The following RNF145 variants were observed in gnomAD, a reference collection of about 807,000 sequenced individuals.
RNF145 encodes ring finger protein 145.
RNF145 carries 12 observed loss-of-function variants against 57.3 expected under a neutral mutation model. The observed-to-expected ratio is 0.21, with a 90% CI of 0.13 to 0.34. The LOEUF (loss-of-function observed/expected upper bound fraction) is 0.34. Ranked by LOEUF, RNF145 falls within the 10% of genes least tolerant of loss-of-function variation. The pLI is 1.00. For missense variants in RNF145, 429 were observed against 799.0 expected (o/e 0.54, Z 5.58); for synonymous variants, 262 against 288.3 (o/e 0.91, Z 0.92).
chr5:159,198,695 T>A (rs1785548807), intron 2 of RNF145, among the ~76,000 whole-genome samples: 1 of 152,142 alleles, frequency 6.6e-6, no homozygotes, highest in African/African-American at 2.4e-5. Flanking sequence ...CATAGGCTAT[T>A]TAGGTGGAAA....
rs894041283 is a variant in RNF145 at position 159,181,884 on chromosome 5, T to A, written c.385+76A>T. The A allele has an allele frequency of 6.3e-5, 50 of 799,736 alleles. No homozygotes were observed. The African/African-American group carries it at 8.5e-4, about 14-fold the overall frequency. 49.5% of individuals were successfully genotyped at this position (799,736 alleles called of 1,614,324 possible). On this transcript the variant is annotated intron_variant, in intron 4 of 10. Coordinates refer to ENST00000424310, the MANE Select transcript of RNF145 (RefSeq NM_001199383.2). ...TTGAGAATTCCGTTTTAAAAAAAAA[T>A]GAGTATGCATGAATTTTATAAGTTA...
upstream of RNF145, chr5:159,209,661 G>A (rs1312577490): frequency 2.1e-6 from 2 of 971,148 alleles, no homozygotes; most frequent in Non-Finnish European, 2.7e-6. Context: ...CCCGCGGAGT[G>A]CTTTCCGCAC....
At chr5:159,202,353 A>G (rs1785699642) in intron 2 of RNF145, among the ~76,000 whole-genome samples, 1 of 152,228 alleles carries the variant, frequency 6.6e-6, no homozygotes, top group African/African-American at 2.4e-5. Flanking sequence ...AGCCTTTCAT[A>G]AAAGGCTGAG....
At chr5:159,187,238 C>G (rs529420938) in intron 3 of RNF145, among the ~76,000 whole-genome samples, 1 of 150,960 alleles carries the variant, frequency 6.6e-6, no homozygotes. Context: ...GCCAAGATCA[C>G]GCCATTGCAC....
At chr5:159,184,660 CTAA>C (rs368135479) in intron 3 of RNF145, among the ~76,000 whole-genome samples, 2 of 152,086 alleles carry the variant, frequency 1.3e-5, no homozygotes, top group Admixed American at 6.5e-5. Context: ...TTTCATTTAA[CTAA>C]TAATATTTCT....
At chr5:159,201,929 G>C (rs1785683656) in intron 2 of RNF145, among the ~76,000 whole-genome samples, 1 of 151,970 alleles carries the variant, frequency 6.6e-6, no homozygotes, top group Non-Finnish European at 1.5e-5. Context: ...TGTATTTGAG[G>C]GTGAAATTCT....
At chr5:159,178,803 T>C (rs1201367198) in intron 4 of RNF145, among the ~76,000 whole-genome samples, 2 of 152,052 alleles carry the variant, frequency 1.3e-5, no homozygotes, top group Non-Finnish European at 2.9e-5. Flanking sequence ...GCCAAGCATT[T>C]TGAATAAGGA....
At chr5:159,160,028 A>G (rs1376001803) in intron 10 of RNF145, among the ~76,000 whole-genome samples, 1 of 152,156 alleles carries the variant, frequency 6.6e-6, no homozygotes, top group African/African-American at 2.4e-5. Context: ...AGGTAGTTCT[A>G]GCACCTCAAA....
At chr5:159,182,612 T>A (rs541218399) in intron 3 of RNF145, among the ~76,000 whole-genome samples, 1 of 152,190 alleles carries the variant, frequency 6.6e-6, no homozygotes, top group South Asian at 2.1e-4. Flanking sequence ...GTAGGCTACA[T>A]ATTTACTTTG....
Position 159,158,855 on chromosome 5 carries a change from C to A in RNF145, c.1807G>T (p.Val603Phe). 1.9e-6 allele frequency: 3 copies of A among 1,613,888 alleles called. No homozygotes were observed. The highest frequency in any genetic ancestry group is 2.5e-6 in the Non-Finnish European group (3 of 1,179,854). Reference protein sequence around the residue: ...LQPHAGAEQNVMFQEGTEPPG... With the variant: ...LQPHAGAEQNFMFQEGTEPPG... Reference sequence around the variant, plus strand: ...GGTTCAGTACCTTCCTGAAACATGACGTTTTGCTCAGCTCCAGCATGAGGC... The same window carrying A: ...GGTTCAGTACCTTCCTGAAACATGAAGTTTTGCTCAGCTCCAGCATGAGGC... Residue 603 changes from valine to phenylalanine, a missense_variant, in exon 11 of 11, where the codon GTC (valine) becomes TTC (phenylalanine). By Grantham distance (50) the Val-to-Phe change is conservative. Around this residue, in one of 4 missense-constraint regions of RNF145, gnomAD observed 102 missense variants for 106.2 expected, o/e 0.96. Transcript: ENST00000424310.
intron 3 of RNF145, among the ~76,000 whole-genome samples, chr5:159,185,714 T>C (rs1272022194): frequency 1.3e-5 from 2 of 152,210 alleles, no homozygotes; most frequent in African/African-American, 4.8e-5. Context: ...TCAGAAGACT[T>C]AAAAGGTAGA....
Position 159,161,552 on chromosome 5 carries a change from A to G in RNF145, c.1340T>C (p.Met447Thr). The part of the protein sequence containing the change: ...EEFRKEPVEN[M>T]DDVIYYVNGT... ...ATTCACATAGTAGATGACATCATCCATGTTTTCCACTGGCTCTTTTCTGAA... is the reference window on the plus strand; with the variant it reads ...ATTCACATAGTAGATGACATCATCCGTGTTTTCCACTGGCTCTTTTCTGAA... The change falls in exon 10 of 11, where the codon ATG becomes ACG. Residue 447 changes from methionine (M) to threonine (T), a missense_variant. Physicochemically the swap from Met to Thr is moderately conservative, Grantham distance 81 (BLOSUM62 -1). Transcript: ENST00000424310. The G allele has an allele frequency of 6.2e-7, 1 of 1,614,020 alleles. No individual in the cohort carries two copies. Among genetic ancestry groups the G allele is most frequent in the Non-Finnish European group, 8.5e-7 (1 of 1,179,962 alleles).
At chr5:159,163,493 T>C (rs1383669111) in intron 8 of RNF145, among the ~76,000 whole-genome samples, 3 of 152,180 alleles carry the variant, frequency 2.0e-5, no homozygotes, top group African/African-American at 7.2e-5. Flanking sequence ...GTGATGAGAA[T>C]CTCTGCTACA....
rs184852542 is a variant in RNF145, at chr5:159,202,134, G to A, written c.184+1300C>T. Among the ~76,000 whole-genome samples, 180 of 152,220 alleles carry A rather than the reference G, an allele frequency of 1.2e-3. 1 individual carries two copies. Among genetic ancestry groups the A allele is most frequent in the African/African-American group, 4.0e-3 (167 of 41,556 alleles). On this transcript the variant is annotated intron_variant, in intron 2 of 10. Coordinates refer to ENST00000424310, the MANE Select transcript of RNF145 (RefSeq NM_001199383.2). Reference sequence around the variant, plus strand: ...CAGATTATGAACTTCAATTGTACTCGAAAACATTCAATTTCTAAAATTAAT... The same window carrying A: ...CAGATTATGAACTTCAATTGTACTCAAAAACATTCAATTTCTAAAATTAAT...
intron 3 of RNF145, among the ~76,000 whole-genome samples, chr5:159,186,216 C>A (rs919697300): frequency 6.6e-6 from 1 of 151,624 alleles, no homozygotes; most frequent in Non-Finnish European, 1.5e-5. Context: ...CAGAGTGAGA[C>A]CCTGTCTCAA....
At chr5:159,175,580 T>C (rs552133496) in intron 5 of RNF145, among the ~76,000 whole-genome samples, 3 of 152,304 alleles carry the variant, frequency 2.0e-5, no homozygotes, top group African/African-American at 7.2e-5. Context: ...ATTATTACCC[T>C]GAATACAACT....
chr5:159,203,630 TTTC>T lies in RNF145; in HGVS notation c.-16_-14del. The T allele has an allele frequency of 6.3e-7, 1 of 1,595,414 alleles. No individual in the cohort carries two copies. Among genetic ancestry groups the T allele is most frequent in the African/African-American group, 1.4e-5 (1 of 73,426 alleles). ...CCTTTGCAGCCATGTTGTTTTTTTT[TTTC>T]TTTTTTTTTTTCTTGGAGAAGACCT... On this transcript the variant is annotated 5_prime_UTR_variant, in exon 2 of 11. Coordinates refer to ENST00000424310, the MANE Select transcript of RNF145 (RefSeq NM_001199383.2).
At chr5:159,205,700 C>T (rs1194882724) in intron 1 of RNF145, among the ~76,000 whole-genome samples, 1 of 152,120 alleles carries the variant, frequency 6.6e-6, no homozygotes. Flanking sequence ...ATACTGCCAT[C>T]GAAAAGTAAC....
At chr5:159,174,447 A>G (rs1319028461) in intron 5 of RNF145, among the ~76,000 whole-genome samples, 1 of 152,214 alleles carries the variant, frequency 6.6e-6, no homozygotes, top group Non-Finnish European at 1.5e-5. Flanking sequence ...AGTACAAAAT[A>G]ACCTTAAAAG....
Sources: gnomAD v4.1 joint callset for allele counts (sites outside exome capture counted in the v4.1 genomes callset) on GRCh38, gnomAD v4.1.1 for gene constraint, gnomAD v4.1.1 regional missense constraint, MANE v1.5 for transcripts, NCBI Gene and HGNC (gene_info 2026-07-23, HGNC 2026-07-21) for gene names.